The following ATP10B variants were observed in gnomAD, a reference collection of about 807,000 sequenced individuals.
ATP10B encodes the protein ATPase phospholipid transporting 10B (putative), also known as phospholipid-transporting ATPase VB.
In ATP10B, 122 loss-of-function variants were observed where a neutral mutation model predicts 141.2. That is an observed-to-expected ratio of 0.86 (90% CI 0.75 to 1.00). The LOEUF (loss-of-function observed/expected upper bound fraction) is 1.00, where lower values mean the gene tolerates loss of function less well. ATP10B is among the 50% of genes least tolerant of loss of function. The probability of loss-of-function intolerance (pLI) is 0.00; values close to 1 mark genes in which losing one functional copy is unlikely to be tolerated. For synonymous variants in ATP10B, 685 were observed against 692.0 expected (o/e 0.99, Z 0.16); for missense variants, 1,876 against 1,825.3 (o/e 1.03, Z -0.51).
chr5:160,572,201 C>A (rs984328070), intron 24 of ATP10B, among the ~76,000 whole-genome samples: 11 of 151,458 alleles, frequency 7.3e-5, no homozygotes, highest in African/African-American at 2.2e-4. Context: ...TTTTTTTCCC[C>A]TTTTTTAAAG....
intron 7 of ATP10B, among the ~76,000 whole-genome samples, chr5:160,656,422 G>T (rs369827788): frequency 6.6e-6 from 1 of 152,182 alleles, no homozygotes; most frequent in East Asian, 1.9e-4. Flanking sequence ...CTACCAAGCT[G>T]TTTCTGTAAG....
intron 2 of ATP10B, among the ~76,000 whole-genome samples, chr5:160,775,191 C>G (rs1461487194): frequency 6.6e-6 from 1 of 152,236 alleles, no homozygotes; most frequent in Non-Finnish European, 1.5e-5. Context: ...CCAGGCCATG[C>G]CTGTCTGCAC....
chr5:160,715,847 A>T (rs1240325316), intron 3 of ATP10B, among the ~76,000 whole-genome samples: 1 of 151,916 alleles, frequency 6.6e-6, no homozygotes, highest in Non-Finnish European at 1.5e-5. Context: ...AGTAGCTGGG[A>T]TTATAGGTGC....
chr5:160,820,770 A>C (rs1469552466), intron 1 of ATP10B, among the ~76,000 whole-genome samples: 1 of 152,192 alleles, frequency 6.6e-6, no homozygotes, highest in Non-Finnish European at 1.5e-5. Context: ...ACATCAGATG[A>C]ACAGAATGAA....
intron 18 of ATP10B, chr5:160,612,253 A>G (rs1440760047): frequency 6.6e-6 from 1 of 152,310 alleles, no homozygotes. Flanking sequence ...AATAATTTCA[A>G]TTTAATTGGG....
intron 17 of ATP10B, among the ~76,000 whole-genome samples, chr5:160,614,733 G>T (rs1174936436): frequency 6.6e-6 from 1 of 152,164 alleles, no homozygotes; most frequent in Non-Finnish European, 1.5e-5. Flanking sequence ...ACTTTACAGT[G>T]ACCTTGGGTC....
chr5:160,661,465 C>T (rs1463475287), intron 7 of ATP10B, among the ~76,000 whole-genome samples: 6 of 151,968 alleles, frequency 3.9e-5, no homozygotes, highest in Non-Finnish European at 5.9e-5. Context: ...TTTAAAAATC[C>T]TATCCTTCAG....
Position 160,563,242 on chromosome 5 carries a change from A to G in ATP10B, c.*2211T>C, listed in dbSNP as rs1465455416. ...ATCATTAGCATTATGTTATAGGGGA[A>G]TAGTGGTTATAACTTTTCCCTGTAA... On this transcript the variant is annotated 3_prime_UTR_variant, in exon 26 of 26. Transcript: ENST00000327245. The G allele has an allele frequency of 6.6e-6, 1 of 152,208 alleles. No individual in the cohort carries two copies. Among genetic ancestry groups the G allele is most frequent in the African/African-American group, 2.4e-5 (1 of 41,452 alleles). 9.4% of individuals were successfully genotyped at this position (152,208 alleles called of 1,614,324 possible). A position where few individuals can be genotyped will look rare whatever the true frequency, so the allele number is the denominator to read the frequency against.
chr5:160,616,843 TA>T (rs771913835), intron 16 of ATP10B, among the ~76,000 whole-genome samples: 2 of 152,158 alleles, frequency 1.3e-5, no homozygotes, highest in Non-Finnish European at 2.9e-5. Flanking sequence ...AAAATGGTGG[TA>T]AGGGTGTAAT....
At chr5:160,889,797 G>A in the ATP10B span, among the ~76,000 whole-genome samples, 150 of 152,262 alleles carry the variant, frequency 9.9e-4, no homozygotes, top group African/African-American at 2.6e-3. Flanking sequence ...TCTTCAGGAC[G>A]TGGACCCAGG....
upstream of ATP10B, among the ~76,000 whole-genome samples, chr5:160,857,202 G>C (rs1313078077): frequency 6.6e-6 from 1 of 151,542 alleles, no homozygotes; most frequent in East Asian, 1.9e-4. Flanking sequence ...TGTCTTTTTT[G>C]GAAGTTTTAA....
At chr5:160,768,905 A>T (rs1769677858) in intron 2 of ATP10B, among the ~76,000 whole-genome samples, 1 of 152,194 alleles carries the variant, frequency 6.6e-6, no homozygotes, top group Non-Finnish European at 1.5e-5. Context: ...ACAGGGGTAA[A>T]TGAAACAGTG....
chr5:160,646,824 C>T (rs995476032), intron 8 of ATP10B, among the ~76,000 whole-genome samples: 1 of 152,288 alleles, frequency 6.6e-6, no homozygotes, highest in South Asian at 2.1e-4. Flanking sequence ...CTATTTAGCG[C>T]TCTTGGTTTA....
chr5:160,732,613 T>C (rs1203966232), intron 2 of ATP10B, among the ~76,000 whole-genome samples: 2 of 152,182 alleles, frequency 1.3e-5, no homozygotes, highest in Admixed American at 6.5e-5. Flanking sequence ...GTTGTAAATA[T>C]GCTGATTTAT....
intron 18 of ATP10B, among the ~76,000 whole-genome samples, chr5:160,609,387 T>A (rs917109464): frequency 2.0e-5 from 3 of 151,860 alleles, no homozygotes; most frequent in Admixed American, 2.0e-4. Context: ...ACTTATTTTT[T>A]TTTTTTTTTG....
upstream of ATP10B, among the ~76,000 whole-genome samples, chr5:160,855,368 CTAATGGA>C (rs1330522261): frequency 2.0e-5 from 3 of 151,820 alleles, no homozygotes; most frequent in African/African-American, 4.8e-5. Context: ...TTGCATTTTC[CTAATGGA>C]TAATGATGTT....
chr5:160,819,378 A>G (rs965178927), intron 1 of ATP10B, among the ~76,000 whole-genome samples: 1 of 152,188 alleles, frequency 6.6e-6, no homozygotes, highest in African/African-American at 2.4e-5. Flanking sequence ...CAGAGAAACA[A>G]AAGCTGAGGG....
intron 1 of ATP10B, among the ~76,000 whole-genome samples, chr5:160,803,231 A>G (rs1276095158): frequency 6.6e-6 from 1 of 152,212 alleles, no homozygotes; most frequent in East Asian, 1.9e-4. Context: ...ATATGGATTA[A>G]GAAACCACAC....
rs1418989483 is a variant in ATP10B at position 160,563,657 on chromosome 5, C to G, written c.*1796G>C. The G allele has an allele frequency of 1.3e-5, 2 of 152,168 alleles. No individual in the cohort carries two copies. The highest frequency in any genetic ancestry group is 4.8e-5 in the African/African-American group (2 of 41,440). The allele number at this position is 152,168 out of a possible 1,614,324, so 9.4% of individuals were successfully genotyped here. A position where few individuals can be genotyped will look rare whatever the true frequency, so the allele number is the denominator to read the frequency against. The stretch of plus-strand genomic sequence containing the variant: ...CTAATCAACTTGCAGGTGTGGCATT[C>G]TGCTTCAAGCCACCTGCATCCTAGA... On this transcript the variant is annotated 3_prime_UTR_variant, in exon 26 of 26. Coordinates refer to ENST00000327245, the MANE Select transcript of ATP10B (RefSeq NM_025153.3).
Sources: allele counts gnomAD v4.1 joint callset (sites outside exome capture counted in the v4.1 genomes callset), GRCh38; gene constraint gnomAD v4.1.1; transcripts MANE v1.5; gene names NCBI Gene and HGNC (gene_info 2026-07-23, HGNC 2026-07-21).